Variants in KSR2 observed in about 807,000 individuals in gnomAD.
KSR2 encodes kinase suppressor of ras 2.
A neutral mutation model predicts 107.8 loss-of-function variants in KSR2; 25 were observed. That is an observed-to-expected ratio of 0.23 (90% CI 0.17 to 0.32). The LOEUF is 0.32. KSR2 is among the 10% of genes least tolerant of loss of function. The probability of loss-of-function intolerance (pLI) is 1.00; values close to 1 mark genes in which losing one functional copy is unlikely to be tolerated. For missense variants in KSR2, 887 were observed against 1,268.9 expected (o/e 0.70, Z 4.57); for synonymous variants, 480 against 507.0 (o/e 0.95, Z 0.71).
chr12:117,575,367 C>T (rs774837056), intron 7 of KSR2, among the ~76,000 whole-genome samples: 68 of 152,326 alleles, frequency 4.5e-4, no homozygotes, highest in African/African-American at 1.3e-3. Flanking sequence ...TCACCTGTCA[C>T]GGCTCTTTAT....
At chr12:117,947,205 A>AAAGAAAGAAAGAAAGAAAG (rs58567161) in intron 1 of KSR2, among the ~76,000 whole-genome samples, 55 of 69,236 alleles carry the variant, frequency 7.9e-4, no homozygotes, top group African/African-American at 1.6e-3. Flanking sequence ...GAAAAGAAAG[A>AAAGAAAGAAAGAAAGAAAG]AAAGAAAGAA....
chr12:117,676,667 T>C (rs911077222), intron 4 of KSR2, among the ~76,000 whole-genome samples: 2 of 152,156 alleles, frequency 1.3e-5, no homozygotes, highest in Admixed American at 6.5e-5. Context: ...TTGGCAAAGA[T>C]ATAAGGCAAA....
intron 5 of KSR2, among the ~76,000 whole-genome samples, chr12:117,655,869 T>C (rs73413149): frequency 0.094 from 14,235 of 152,176 alleles, 975 homozygotes; most frequent in East Asian, 0.3. Flanking sequence ...GGAGATCCAT[T>C]AGGGCATCTC....
intron 14 of KSR2, among the ~76,000 whole-genome samples, chr12:117,486,855 T>TTGAA (rs1220059566): frequency 1.3e-5 from 2 of 152,140 alleles, no homozygotes; most frequent in African/African-American, 2.4e-5. Flanking sequence ...AATACGAGGA[T>TTGAA]TGAATGAGAT....
chr12:117,938,294 A>T (rs1895905651), intron 1 of KSR2, among the ~76,000 whole-genome samples: 1 of 152,132 alleles, frequency 6.6e-6, no homozygotes, highest in Non-Finnish European at 1.5e-5. Context: ...TAATGCATTT[A>T]ACGTAAAGTG....
intron 7 of KSR2, among the ~76,000 whole-genome samples, chr12:117,559,124 C>G (rs1947002676): frequency 6.6e-6 from 1 of 151,776 alleles, no homozygotes; most frequent in South Asian, 2.1e-4. Flanking sequence ...GATGGGATGC[C>G]CCCAGTGGTC....
At chr12:117,688,829 C>T (rs1384771385) in intron 4 of KSR2, among the ~76,000 whole-genome samples, 1 of 152,216 alleles carries the variant, frequency 6.6e-6, no homozygotes, top group Non-Finnish European at 1.5e-5. Flanking sequence ...CCTCTGCCTT[C>T]CCCACTGGAA....
At chr12:117,543,136 A>G (rs1027912535) in intron 9 of KSR2, among the ~76,000 whole-genome samples, 2 of 152,240 alleles carry the variant, frequency 1.3e-5, no homozygotes, top group African/African-American at 4.8e-5. Flanking sequence ...TCTGGAATAA[A>G]TGCTCAGAAG....
At chr12:117,704,579 C>T (rs532822959) in intron 4 of KSR2, among the ~76,000 whole-genome samples, 2 of 152,156 alleles carry the variant, frequency 1.3e-5, no homozygotes, top group African/African-American at 4.8e-5. Context: ...TAATGAAGGG[C>T]CAGGTGCGGT....
chr12:117,508,779 G>A (rs572229176), intron 14 of KSR2, among the ~76,000 whole-genome samples: 1 of 151,994 alleles, frequency 6.6e-6, no homozygotes, highest in African/African-American at 2.4e-5. Flanking sequence ...TGGGTAGATG[G>A]ATGGGTGGCT....
At chr12:117,471,153 C>A (rs190801494) in intron 18 of KSR2, 38 bp downstream of exon 18, 9 of 1,608,636 alleles carry the variant, frequency 5.6e-6, no homozygotes, top group African/African-American at 4.0e-5. Flanking sequence ...TCTGTGTCTC[C>A]CCTCATCCCC....
chr12:117,941,571 T>C (rs1379982253), intron 1 of KSR2, among the ~76,000 whole-genome samples: 4 of 147,712 alleles, frequency 2.7e-5, no homozygotes, highest in Admixed American at 2.7e-4. Flanking sequence ...AACATTTGCC[T>C]CTACAGTTGT....
chr12:117,773,731 G>GT lies in KSR2; in HGVS notation c.473-12208dup, dbSNP rs1179998470. 5.9e-5 allele frequency among the ~76,000 whole-genome samples: 9 copies of GT among 152,306 alleles called. No homozygotes were observed. In the East Asian group the frequency reaches 1.7e-3, roughly 29 times the overall value. ...AAGTCATTGGTAGAAGAAAAAAACT[G>GT]TTTTTTGGTTTAAATCCTCATAACT... On this transcript the variant is annotated intron_variant, in intron 3 of 19. Transcript: ENST00000339824.
chr12:117,517,778 G>A (rs1874470722), intron 14 of KSR2: 1 of 448,932 alleles, frequency 2.2e-6, no homozygotes, highest in South Asian at 1.6e-5. Context: ...GCTTCCACTC[G>A]ATGATGGGGA....
intron 3 of KSR2, among the ~76,000 whole-genome samples, chr12:117,794,874 T>C (rs974243132): frequency 1.3e-5 from 2 of 152,154 alleles, no homozygotes; most frequent in African/African-American, 4.8e-5. Context: ...CAGTTGATGA[T>C]AGTGACAGCT....
intron 3 of KSR2, among the ~76,000 whole-genome samples, chr12:117,791,681 G>A (rs577370766): frequency 6.6e-6 from 1 of 152,256 alleles, no homozygotes; most frequent in East Asian, 1.9e-4. Context: ...GGGGAGCAGA[G>A]GCATATACCA....
At chr12:117,631,483 T>C (rs531005599) in intron 5 of KSR2, among the ~76,000 whole-genome samples, 3 of 152,340 alleles carry the variant, frequency 2.0e-5, no homozygotes, top group South Asian at 2.1e-4. Context: ...AATTTCATGA[T>C]TCTTCTTTGT....
chr12:117,598,505 G>A (rs1026670394), intron 5 of KSR2, among the ~76,000 whole-genome samples: 2 of 152,080 alleles, frequency 1.3e-5, no homozygotes, highest in African/African-American at 4.8e-5. Context: ...TGGATCAAAC[G>A]GTGGTTCTAC....
intron 14 of KSR2, among the ~76,000 whole-genome samples, chr12:117,508,255 C>T (rs772399492): frequency 1.3e-5 from 2 of 152,194 alleles, no homozygotes; most frequent in Admixed American, 6.5e-5. Flanking sequence ...CAGAATGATG[C>T]TGACCACAGC....
Sources: allele counts gnomAD v4.1 joint callset (sites outside exome capture counted in the v4.1 genomes callset), GRCh38; gene constraint gnomAD v4.1.1; transcripts MANE v1.5; gene names NCBI Gene and HGNC (gene_info 2026-07-23, HGNC 2026-07-21).